The following TNNT3 variants were observed in gnomAD, a reference collection of about 807,000 sequenced individuals.
TNNT3 encodes troponin T3, fast skeletal type.
TNNT3 carries 36 observed loss-of-function variants against 54.2 expected under a neutral mutation model. That is an observed-to-expected ratio of 0.66 (90% confidence interval 0.51 to 0.88). TNNT3 has a LOEUF of 0.88. Among genes scored for constraint, TNNT3 ranks in the 40% least tolerant of loss-of-function variants. The pLI is 0.00. For missense variants in TNNT3, 291 were observed against 331.6 expected, an observed-to-expected ratio of 0.88 and a Z score of 0.95; for synonymous variants, 120 against 109.7, an observed-to-expected ratio of 1.09 and a Z score of -0.59.
chr11:1,937,927 C>T (rs1042557333), intron 15 of TNNT3, among the ~76,000 whole-genome samples: 6 of 152,162 alleles, frequency 3.9e-5, no homozygotes, highest in African/African-American at 1.2e-4. Flanking sequence ...GCTGAGCAGC[C>T]GCGTCTGAAT....
At chr11:1,930,425 G>A (rs1207949361) in intron 8 of TNNT3, among the ~76,000 whole-genome samples, 1 of 152,170 alleles carries the variant, frequency 6.6e-6, no homozygotes, top group East Asian at 1.9e-4. Flanking sequence ...GTCCAGAAGA[G>A]CTCACTGTGC....
rs373066501 is a variant in TNNT3 at position 1,922,952 on chromosome 11, G to A, written c.17+61G>A. The stretch of plus-strand genomic sequence containing the variant: ...TCGGGACCCTGGCCCCTTGGCTTCT[G>A]TGGGGCTGGAGCATGCGCTATCTTG... On this transcript the variant is annotated intron_variant, in intron 2 of 15. Transcript: ENST00000278317. The A allele has an allele frequency of 1.8e-5, 29 of 1,613,618 alleles. No individual in the cohort carries two copies. In the East Asian group the frequency reaches 2.7e-4, roughly 15 times the overall value.
In TNNT3 at chr11:1,923,595, G is replaced by A. The variant is rs201240144; in HGVS notation, c.49+23G>A. The A allele has an allele frequency of 6.5e-4, 1,052 of 1,607,926 alleles. 5 individuals are homozygous for A. The highest frequency in any genetic ancestry group is 9.9e-4 in the Middle Eastern group (6 of 6,050). On this transcript the variant is annotated intron_variant, in intron 4 of 15. Transcript: ENST00000278317. ...AAGGTAATTCTGGCAACCACCGGAAGCCCCCCCAGCCCCTCCTTGGAACTT... is the reference window on the plus strand; with the variant it reads ...AAGGTAATTCTGGCAACCACCGGAAACCCCCCCAGCCCCTCCTTGGAACTT...
chr11:1,922,332 A>G (rs1850299536), intron 1 of TNNT3, among the ~76,000 whole-genome samples: 1 of 152,042 alleles, frequency 6.6e-6, no homozygotes, highest in Admixed American at 6.5e-5. Context: ...CTCATGGGGA[A>G]TGGTAGGGTG....
intron 5 of TNNT3, 182 bp from the exon 6 acceptor site, chr11:1,926,513 C>T (rs200627107): frequency 5.5e-5 from 88 of 1,613,014 alleles, no homozygotes; most frequent in East Asian, 2.7e-4. Flanking sequence ...CACATGGGCA[C>T]GTGTGGCCAT....
chr11:1,929,168 A>T, intron 7 of TNNT3, 25 bp downstream of exon 7: 1 of 1,611,984 alleles, frequency 6.2e-7, no homozygotes, highest in South Asian at 1.1e-5. Flanking sequence ...CTGCCGCCGG[A>T]GGTGCAGGAC....
At position 1,933,689 on chromosome 11, in the gene TNNT3, G is replaced by A. The variant is rs528421220; in HGVS notation, c.172-32G>A. 451 of 1,552,180 alleles carry A rather than the reference G, an allele frequency of 2.9e-4. 6 individuals are homozygous for A. The South Asian group carries it at 4.7e-3, about 16-fold the overall frequency. On this transcript the variant is annotated intron_variant, in intron 9 of 15. Coordinates refer to ENST00000278317, the MANE Select transcript of TNNT3 (RefSeq NM_006757.4). ...GGCAGGGCAGAGGTTGGAGAGAGGGGTGGGGCTCACACCCACTGCCCCTGC... is the reference window on the plus strand; with the variant it reads ...GGCAGGGCAGAGGTTGGAGAGAGGGATGGGGCTCACACCCACTGCCCCTGC...
intron 8 of TNNT3, among the ~76,000 whole-genome samples, chr11:1,931,660 G>A (rs1021573049): frequency 6.7e-6 from 1 of 149,394 alleles, no homozygotes; most frequent in Admixed American, 6.6e-5. Flanking sequence ...AAGGATATAA[G>A]TCTTCTCTGT....
At chr11:1,925,169 C>A in intron 5 of TNNT3, 53 bp downstream of exon 5, 1 of 1,602,696 alleles carries the variant, frequency 6.2e-7, no homozygotes, top group Admixed American at 1.7e-5. Flanking sequence ...GCCTTCCCGC[C>A]CCACCCAAAG....
intron 5 of TNNT3, 143 bp downstream of exon 5, chr11:1,925,259 C>T: frequency 6.2e-7 from 1 of 1,606,662 alleles, no homozygotes; most frequent in Non-Finnish European, 8.5e-7. Context: ...TCCTCAGCTG[C>T]AGAAGTCCAT....
At chr11:1,937,951 C>T (rs1439157114) in intron 15 of TNNT3, among the ~76,000 whole-genome samples, 2 of 152,172 alleles carry the variant, frequency 1.3e-5, no homozygotes, top group African/African-American at 4.8e-5. Context: ...GCCGGCCTCG[C>T]GGGCCGAAGC....
At chr11:1,922,757 C>T in intron 1 of TNNT3, 100 bp from the exon 2 acceptor site, 1 of 1,232,140 alleles carries the variant, frequency 8.1e-7, no homozygotes, top group Non-Finnish European at 1.2e-6. Flanking sequence ...CGGTCCCCCA[C>T]AGCGCTGCTC....
At chr11:1,926,845 CAG>C in intron 6 of TNNT3, 136 bp downstream of exon 6, 13 of 1,166,124 alleles carry the variant, frequency 1.1e-5, no homozygotes, top group Non-Finnish European at 1.6e-5. Context: ...GGGCTGGGGA[CAG>C]AGTGAGGACC....
At chr11:1,932,434 G>C in intron 8 of TNNT3, 35 bp from the exon 9 acceptor site, 1 of 1,611,256 alleles carries the variant, frequency 6.2e-7, no homozygotes, top group Non-Finnish European at 8.5e-7. Context: ...GGGTCTCCGG[G>C]TCTCTGCTCA....
At position 1,923,591 on chromosome 11, in the gene TNNT3, G is replaced by A. The variant is rs776803034; in HGVS notation, c.49+19G>A. On this transcript the variant is annotated intron_variant, in intron 4 of 15. Transcript: ENST00000278317. ...GAAGAAGGTAATTCTGGCAACCACC[G>A]GAAGCCCCCCCAGCCCCTCCTTGGA... 1.1e-5 allele frequency: 18 copies of A among 1,612,760 alleles called. No individual in the cohort carries two copies. The highest frequency in any genetic ancestry group is 1.5e-5 in the Non-Finnish European group (18 of 1,179,090).
intron 8 of TNNT3, among the ~76,000 whole-genome samples, chr11:1,931,202 A>G (rs1207274626): frequency 6.6e-6 from 1 of 152,150 alleles, no homozygotes; most frequent in East Asian, 1.9e-4. Flanking sequence ...CCATTCCCCT[A>G]TTGCAGGCTT....
intron 6 of TNNT3, among the ~76,000 whole-genome samples, chr11:1,927,533 T>TGGGAG (rs2133335203): frequency 6.6e-6 from 1 of 152,056 alleles, no homozygotes; most frequent in Non-Finnish European, 1.5e-5. Flanking sequence ...AGGGACATGC[T>TGGGAG]GGGAGGGGGA....
At chr11:1,936,410 C>T (rs537506596) in intron 14 of TNNT3, among the ~76,000 whole-genome samples, 4 of 152,316 alleles carry the variant, frequency 2.6e-5, no homozygotes, top group East Asian at 1.9e-4. Flanking sequence ...TGCCTGCAGC[C>T]GGGGGCTTCC....
At chr11:1,937,141 A>G (rs747393906) in intron 15 of TNNT3, 138 bp downstream of exon 15, 3 of 924,504 alleles carry the variant, frequency 3.2e-6, no homozygotes, top group Non-Finnish European at 5.1e-6. Flanking sequence ...CAGGCCACCC[A>G]GGCCAGCATG....
Sources: gnomAD v4.1 joint callset for allele counts (sites outside exome capture counted in the v4.1 genomes callset) on GRCh38, gnomAD v4.1.1 for gene constraint, MANE v1.5 for transcripts, NCBI Gene and HGNC (gene_info 2026-07-23, HGNC 2026-07-21) for gene names.